Variants in CNIH3 observed in about 807,000 individuals in gnomAD.
The protein encoded by CNIH3 is cornichon family AMPA receptor auxiliary protein 3, also known as protein cornichon homolog 3.
Under a neutral mutation model 24.1 loss-of-function variants are expected in CNIH3, and 14 were observed. The ratio of observed to expected loss-of-function variants is 0.58; its 90% CI spans 0.38 to 0.91. CNIH3 has a LOEUF of 0.91. Among genes scored for constraint, CNIH3 ranks in the 40% least tolerant of loss-of-function variants. The probability of loss-of-function intolerance (pLI) is 0.00; values close to 1 mark genes in which losing one functional copy is unlikely to be tolerated. For missense variants in CNIH3, 178 were observed against 196.8 expected, an observed-to-expected ratio of 0.90 and a Z score of 0.57; for synonymous variants, 68 against 73.8, an observed-to-expected ratio of 0.92 and a Z score of 0.40.
At chr1:224,538,016 T>C (rs1384015323), downstream of CNIH3, among the ~76,000 whole-genome samples, 1 of 151,884 alleles carries the variant, frequency 6.6e-6, no homozygotes, top group Non-Finnish European at 1.5e-5. Flanking sequence ...AATGGCGCGA[T>C]CTTGGCTCAC....
intron 3 of CNIH3, among the ~76,000 whole-genome samples, chr1:224,714,586 C>T (rs940718666): frequency 6.6e-6 from 1 of 152,176 alleles, no homozygotes; most frequent in Non-Finnish European, 1.5e-5. Flanking sequence ...TTCCCTGTGC[C>T]GTGGTTTGAG....
intron 3 of CNIH3, among the ~76,000 whole-genome samples, chr1:224,695,357 AACAC>A (rs56245587): frequency 0.041 from 6,014 of 145,752 alleles, 153 homozygotes; most frequent in Middle Eastern, 0.1. Context: ...TCTCTTTCTA[AACAC>A]ACACACACAC....
chr1:224,663,261 C>A (rs1685445913), intron 1 of CNIH3, among the ~76,000 whole-genome samples: 1 of 152,100 alleles, frequency 6.6e-6, no homozygotes, highest in Non-Finnish European at 1.5e-5. Context: ...CGTAGACTTT[C>A]CCTTGCTCTC....
chr1:224,734,865 A>G (rs1033146038), intron 5 of CNIH3, among the ~76,000 whole-genome samples, 159 bp downstream of exon 5: 1 of 152,200 alleles, frequency 6.6e-6, no homozygotes, highest in African/African-American at 2.4e-5. Flanking sequence ...CTCAGGAGCA[A>G]GGGCTTCTGT....
chr1:224,722,889 G>T (rs929491042), intron 3 of CNIH3, among the ~76,000 whole-genome samples: 1 of 152,198 alleles, frequency 6.6e-6, no homozygotes, highest in African/African-American at 2.4e-5. Context: ...TGTGAATTCC[G>T]ATGGAAGAAG....
intron 3 of CNIH3, among the ~76,000 whole-genome samples, chr1:224,556,679 A>G (rs184637025): frequency 6.6e-6 from 1 of 152,316 alleles, no homozygotes; most frequent in Non-Finnish European, 1.5e-5. Context: ...GAAAGGATTC[A>G]CGCTCCTGTG....
At chr1:224,592,858 A>T (rs1253666253), downstream of CNIH3, among the ~76,000 whole-genome samples, 1 of 152,194 alleles carries the variant, frequency 6.6e-6, no homozygotes. Context: ...AATAGATGAT[A>T]CATCTCCAGG....
intron 3 of CNIH3, among the ~76,000 whole-genome samples, chr1:224,601,214 C>T (rs926468045): frequency 6.6e-6 from 1 of 152,214 alleles, no homozygotes; most frequent in Non-Finnish European, 1.5e-5. Flanking sequence ...TGCATCCCTT[C>T]TCCCCTGAGG....
At chr1:224,511,576 G>T (rs1405149560), upstream of CNIH3, among the ~76,000 whole-genome samples, 1 of 152,132 alleles carries the variant, frequency 6.6e-6, no homozygotes, top group Non-Finnish European at 1.5e-5. Context: ...TATTTACTAG[G>T]CCAGGTGTGG....
chr1:224,621,830 C>T (rs1472481386), intron 1 of CNIH3, among the ~76,000 whole-genome samples: 1 of 152,208 alleles, frequency 6.6e-6, no homozygotes, highest in East Asian at 1.9e-4. Context: ...ACCCAAATCT[C>T]ATCTTGAATT....
intron 1 of CNIH3, among the ~76,000 whole-genome samples, chr1:224,620,552 T>C (rs904207581): frequency 2.6e-5 from 4 of 152,232 alleles, no homozygotes; most frequent in African/African-American, 9.6e-5. Flanking sequence ...ATATATCCTT[T>C]TTTAAAAGAG....
intron 3 of CNIH3, among the ~76,000 whole-genome samples, chr1:224,705,390 T>C (rs1687726893): frequency 6.6e-6 from 1 of 152,218 alleles, no homozygotes; most frequent in Admixed American, 6.5e-5. Context: ...CCCCCTTCAT[T>C]CTTGGGAAGA....
At chr1:224,531,421 C>T (rs1053360726) in intron 2 of CNIH3, among the ~76,000 whole-genome samples, 1 of 152,168 alleles carries the variant, frequency 6.6e-6, no homozygotes. Context: ...GAAGACCCCA[C>T]CTACGGTGTC....
intron 2 of CNIH3, among the ~76,000 whole-genome samples, chr1:224,523,196 G>A (rs1678709755): frequency 6.6e-6 from 1 of 151,830 alleles, no homozygotes; most frequent in African/African-American, 2.4e-5. Flanking sequence ...CTATGATTGG[G>A]CCACTGCACT....
At chr1:224,708,227 C>T (rs758775933) in intron 3 of CNIH3, among the ~76,000 whole-genome samples, 2 of 152,118 alleles carry the variant, frequency 1.3e-5, no homozygotes, top group Non-Finnish European at 2.9e-5. Flanking sequence ...CCTCTCCCAT[C>T]TCAGGGCCTC....
At chr1:224,615,208 T>C (rs566786182), upstream of CNIH3, 1 of 152,318 alleles carries the variant, frequency 6.6e-6, no homozygotes, top group South Asian at 2.1e-4. Context: ...TCCCACCCTG[T>C]GCAAGGTACC....
chr1:224,679,151 C>T (rs998917965), intron 1 of CNIH3, among the ~76,000 whole-genome samples: 1 of 152,114 alleles, frequency 6.6e-6, no homozygotes, highest in Non-Finnish European at 1.5e-5. Flanking sequence ...AACCCCATCT[C>T]CACTAAAAAT....
At chr1:224,620,723 G>A (rs1683237213) in intron 1 of CNIH3, among the ~76,000 whole-genome samples, 1 of 152,044 alleles carries the variant, frequency 6.6e-6, no homozygotes, top group Non-Finnish European at 1.5e-5. Flanking sequence ...CATATGGCCG[G>A]GCTCAGTGGC....
chr1:224,581,077 C>T (rs1681256321), intron 4 of CNIH3, among the ~76,000 whole-genome samples: 1 of 152,110 alleles, frequency 6.6e-6, no homozygotes, highest in African/African-American at 2.4e-5. Context: ...AAAGAAAATG[C>T]AATTGTTTTC....
Sources: allele counts gnomAD v4.1 joint callset (sites outside exome capture counted in the v4.1 genomes callset), GRCh38; gene constraint gnomAD v4.1.1; transcripts MANE v1.5; gene names NCBI Gene and HGNC (gene_info 2026-07-23, HGNC 2026-07-21).